Variants in ZNF148 observed in about 807,000 individuals in gnomAD.
The protein encoded by ZNF148 is zinc finger protein 148, also known as Beta-Enolase Repressor Factor-1.
A neutral mutation model predicts 67.7 loss-of-function variants in ZNF148; 7 were observed. The ratio of observed to expected loss-of-function variants is 0.10; its 90% CI spans 0.06 to 0.19. The LOEUF (loss-of-function observed/expected upper bound fraction) is 0.19, where lower values mean the gene tolerates loss of function less well. ZNF148 is among the 10% of genes least tolerant of loss of function. ZNF148 has a pLI of 1.00. For missense variants in ZNF148, 583 were observed against 947.1 expected (o/e 0.62, Z 5.05); for synonymous variants, 333 against 330.7 (o/e 1.01, Z -0.08).
chr3:125,319,594 G>A (rs1280397595), intron 3 of ZNF148, among the ~76,000 whole-genome samples: 1 of 152,186 alleles, frequency 6.6e-6, no homozygotes, highest in East Asian at 1.9e-4. Flanking sequence ...ATATGTTTAT[G>A]TCTGTATTCT....
chr3:125,317,434 A>G (rs1940554278), intron 3 of ZNF148, among the ~76,000 whole-genome samples: 2 of 152,108 alleles, frequency 1.3e-5, no homozygotes, highest in South Asian at 4.1e-4. Flanking sequence ...AGTAAGTATA[A>G]GGATGTTTGC....
intron 2 of ZNF148, among the ~76,000 whole-genome samples, chr3:125,325,978 C>CTAT (rs1940999728): frequency 6.6e-6 from 1 of 151,940 alleles, no homozygotes. Context: ...CAGTTAGAAA[C>CTAT]AATAGAGGCA....
chr3:125,329,598 T>A (rs951871366), intron 2 of ZNF148, among the ~76,000 whole-genome samples: 5 of 151,832 alleles, frequency 3.3e-5, no homozygotes, highest in African/African-American at 4.8e-5. Flanking sequence ...CCTCAAGTGA[T>A]CCACCTGCCT....
chr3:125,363,044 C>A (rs1023129581), intron 1 of ZNF148, among the ~76,000 whole-genome samples: 1 of 152,130 alleles, frequency 6.6e-6, no homozygotes, highest in Non-Finnish European at 1.5e-5. Flanking sequence ...CACTGAGGGT[C>A]TCATCCCTCA....
intron 7 of ZNF148, among the ~76,000 whole-genome samples, chr3:125,236,123 A>G (rs1027027180): frequency 2.0e-5 from 3 of 152,084 alleles, no homozygotes; most frequent in African/African-American, 7.2e-5. Flanking sequence ...ATTATATTTA[A>G]TTATTTTGCA....
chr3:125,233,187 G>T lies in ZNF148; in HGVS notation c.1539C>A (p.Thr513=), dbSNP rs1472516231. 6.2e-7 allele frequency: 1 copy of T among 1,613,620 alleles called. No individual in the cohort carries two copies. Among genetic ancestry groups the T allele is most frequent in the Non-Finnish European group, 8.5e-7 (1 of 1,179,892 alleles). ...AAVASVIDES[T]TASILESQAL... ...CCTGTGACTCTAATATGGATGCCGT[G>T]GTACTTTCATCAATGACACTTGCCA... Residue 513 remains threonine (T), a synonymous_variant, in exon 9 of 9, where the codon ACC becomes ACA. Coordinates refer to ENST00000360647, the MANE Select transcript of ZNF148 (RefSeq NM_021964.3). This position sits in a 1 kb window ranked among gnomAD's most constrained non-coding sequence, Gnocchi z 5.1.
intron 1 of ZNF148, among the ~76,000 whole-genome samples, chr3:125,362,420 A>G (rs555518780): frequency 4.4e-4 from 67 of 151,912 alleles, no homozygotes; most frequent in African/African-American, 1.6e-3. Flanking sequence ...TATTCTTCCA[A>G]CCCACTCAGT....
rs774976910 is a variant in ZNF148, at chr3:125,232,301, G to T, written c.*40C>A. The T allele has an allele frequency of 2.6e-6, 4 of 1,556,910 alleles. No individual in the cohort carries two copies. In the African/African-American group the frequency reaches 4.1e-5, roughly 16 times the overall value. On this transcript the variant is annotated 3_prime_UTR_variant, in exon 9 of 9. Transcript: ENST00000360647. This position sits in a 1 kb window ranked among gnomAD's most constrained non-coding sequence, Gnocchi z 4.2. ...GAGTAACCCCACTCTTGATTAATCT[G>T]TTCTAAAGTGCCAGTATTATTTACA... is the stretch of plus-strand genomic sequence containing the variant.
intron 3 of ZNF148, among the ~76,000 whole-genome samples, chr3:125,319,011 CCA>C (rs1396257773): frequency 6.6e-6 from 1 of 152,098 alleles, no homozygotes; most frequent in Non-Finnish European, 1.5e-5. Flanking sequence ...CCCAACCCCC[CCA>C]CACACCTAAC....
chr3:125,286,331 T>C (rs550248811), intron 5 of ZNF148, among the ~76,000 whole-genome samples: 1 of 152,268 alleles, frequency 6.6e-6, no homozygotes, highest in South Asian at 2.1e-4. Flanking sequence ...TTTAGAAGTT[T>C]AGTGTGACCA....
At chr3:125,336,490 T>C (rs1247280939) in intron 1 of ZNF148, among the ~76,000 whole-genome samples, 1 of 152,182 alleles carries the variant, frequency 6.6e-6, no homozygotes, top group African/African-American at 2.4e-5. Context: ...GACGTATGTG[T>C]TCTTTAAATT....
rs1938411847 is a variant in ZNF148, at chr3:125,281,946, T to C, written c.460-2699A>G. Reference sequence around the variant, plus strand: ...TTTAAATATATCCAACTGATTTTTATTCACCCTTATAATCTCAGTGTTCAA... The same window carrying C: ...TTTAAATATATCCAACTGATTTTTACTCACCCTTATAATCTCAGTGTTCAA... On this transcript the variant is annotated intron_variant, in intron 5 of 8. Coordinates refer to ENST00000360647, the MANE Select transcript of ZNF148 (RefSeq NM_021964.3). 2.0e-5 allele frequency among the ~76,000 whole-genome samples: 3 copies of C among 152,328 alleles called. No homozygotes were observed. The South Asian group carries it at 6.2e-4, about 32-fold the overall frequency.
chr3:125,310,630 G>A (rs1409695075), intron 4 of ZNF148, among the ~76,000 whole-genome samples: 2 of 151,906 alleles, frequency 1.3e-5, no homozygotes, highest in East Asian at 3.8e-4. Flanking sequence ...AAATGAAACT[G>A]AAAATAGGAA....
chr3:125,329,827 T>C (rs746985187), intron 2 of ZNF148, among the ~76,000 whole-genome samples: 4 of 152,106 alleles, frequency 2.6e-5, no homozygotes, highest in African/African-American at 4.8e-5. Flanking sequence ...AAGGAATGAT[T>C]TGCAAAAATG....
intron 7 of ZNF148, among the ~76,000 whole-genome samples, chr3:125,268,173 T>C (rs1937578235): frequency 6.6e-6 from 1 of 150,572 alleles, no homozygotes; most frequent in South Asian, 2.1e-4. Context: ...CCACCATTCC[T>C]ATCGAACTAC....
At position 125,232,537 on chromosome 3, in the gene ZNF148, T is replaced by G. The variant is rs908379598; in HGVS notation, c.2189A>C (p.Glu730Ala). Reference protein sequence around the residue: ...VHQAYQMSSFEQPFRAPYHGS... With the variant: ...VHQAYQMSSFAQPFRAPYHGS... ...ATGATAGGGAGCACGGAAGGGCTGT[T>G]CAAAGGAGCTCATTTGGTAAGCTTG... The change falls in exon 9 of 9, where the codon GAA (glutamate) becomes GCA (alanine). Residue 730 changes from glutamate to alanine, a missense_variant. Coordinates refer to ENST00000360647, the MANE Select transcript of ZNF148 (RefSeq NM_021964.3). The surrounding 1 kb of genome is among the most constrained non-coding windows in gnomAD (Gnocchi z 4.2). 1 of 1,613,748 alleles carries G rather than the reference T, an allele frequency of 6.2e-7. No individual in the cohort carries two copies. Among genetic ancestry groups the G allele is most frequent in the Non-Finnish European group, 8.5e-7 (1 of 1,179,756 alleles).
At chr3:125,301,467 T>C (rs1356441611) in intron 4 of ZNF148, among the ~76,000 whole-genome samples, 1 of 152,230 alleles carries the variant, frequency 6.6e-6, no homozygotes, top group Non-Finnish European at 1.5e-5. Context: ...TGATGACTTA[T>C]ACTTCAAATG....
chr3:125,267,185 G>A (rs984236337), intron 7 of ZNF148, among the ~76,000 whole-genome samples: 3 of 150,768 alleles, frequency 2.0e-5, no homozygotes, highest in Non-Finnish European at 4.4e-5. Flanking sequence ...AAATCAAGGA[G>A]AAGGGATTCC....
intron 1 of ZNF148, among the ~76,000 whole-genome samples, chr3:125,350,570 A>T (rs1271648470): frequency 6.6e-6 from 1 of 152,234 alleles, no homozygotes; most frequent in African/African-American, 2.4e-5. Flanking sequence ...CAATGGGTCA[A>T]GGATGGTTTC....
Sources: gnomAD v4.1 joint callset for allele counts (sites outside exome capture counted in the v4.1 genomes callset) on GRCh38, gnomAD v4.1.1 for gene constraint, Gnocchi (gnomAD v3.1) non-coding constraint, MANE v1.5 for transcripts, NCBI Gene and HGNC (gene_info 2026-07-23, HGNC 2026-07-21) for gene names.